VAPA: variants seen among roughly 807,000 people sequenced by gnomAD.
VAPA encodes vesicle-associated membrane protein-associated protein A.
A neutral mutation model predicts 25.6 loss-of-function variants in VAPA; 6 were observed. The observed-to-expected ratio is 0.23, with a 90% CI of 0.13 to 0.46. The LOEUF (loss-of-function observed/expected upper bound fraction) is 0.46, where lower values mean the gene tolerates loss of function less well. Ranked by LOEUF, VAPA falls within the 20% of genes least tolerant of loss-of-function variation. VAPA has a pLI of 0.99. For synonymous variants in VAPA, 112 were observed against 106.2 expected (o/e 1.05, Z -0.34); for missense variants, 244 against 302.1 (o/e 0.81, Z 1.43).
intron 1 of VAPA, among the ~76,000 whole-genome samples, chr18:9,920,843 A>G (rs934716919): frequency 1.3e-5 from 2 of 152,232 alleles, no homozygotes; most frequent in African/African-American, 4.8e-5. Context: ...AATGCTTTGC[A>G]CAGGCTCTGC....
intron 5 of VAPA, among the ~76,000 whole-genome samples, chr18:9,953,291 G>C (rs1239218920): frequency 6.6e-6 from 1 of 152,172 alleles, no homozygotes; most frequent in Non-Finnish European, 1.5e-5. Flanking sequence ...TCATTTTCCA[G>C]TCCAGGTGCA....
At chr18:9,919,993 A>C (rs1165987755) in intron 1 of VAPA, among the ~76,000 whole-genome samples, 1 of 152,068 alleles carries the variant, frequency 6.6e-6, no homozygotes, top group Non-Finnish European at 1.5e-5. Flanking sequence ...GGTGGTCTCT[A>C]TGTGCACTGA....
intron 1 of VAPA, among the ~76,000 whole-genome samples, chr18:9,917,121 AAG>A (rs1342586216): frequency 6.6e-6 from 1 of 152,128 alleles, no homozygotes; most frequent in Non-Finnish European, 1.5e-5. Context: ...AGTAAAGAAA[AAG>A]AAGTAGACGC....
rs187368077 is a variant in VAPA, at chr18:9,921,438, T to C, written c.79+7103T>C. Among the ~76,000 whole-genome samples, 19 of 152,372 alleles carry C rather than the reference T, an allele frequency of 1.2e-4. 1 individual carries two copies. The East Asian group carries it at 2.9e-3, about 23-fold the overall frequency. ...GAGTACAAAAAGAAAATGCTATTTT[T>C]CTGTGAAGCAGAAAAATGCATATAA... On this transcript the variant is annotated intron_variant, in intron 1 of 5. Coordinates refer to ENST00000400000, the MANE Select transcript of VAPA (RefSeq NM_194434.3).
At chr18:9,949,598 AAAGT>A (rs1430656675) in intron 4 of VAPA, 1 of 152,220 alleles carries the variant, frequency 6.6e-6, no homozygotes, top group Non-Finnish European at 1.5e-5. Flanking sequence ...AAATTATTTT[AAAGT>A]AAGTGAATTT....
At chr18:9,922,139 A>G (rs2069161971) in intron 1 of VAPA, among the ~76,000 whole-genome samples, 1 of 151,840 alleles carries the variant, frequency 6.6e-6, no homozygotes, top group Admixed American at 6.6e-5. Flanking sequence ...TAATTATTAT[A>G]TGTTTTATTT....
intron 2 of VAPA, among the ~76,000 whole-genome samples, chr18:9,934,663 G>A (rs939370303): frequency 6.6e-6 from 1 of 152,034 alleles, no homozygotes; most frequent in African/African-American, 2.4e-5. Context: ...CTAAAGTTAG[G>A]GAAATAATTT....
rs991044593 is a variant in VAPA at position 9,958,742 on chromosome 18, G to A, written c.*4531G>A. 6.6e-6 allele frequency: 1 copy of A among 152,150 alleles called. No homozygotes were observed. Among genetic ancestry groups the A allele is most frequent in the East Asian group, 1.9e-4 (1 of 5,200 alleles). The allele number at this position is 152,150 out of a possible 1,614,324, so 9.4% of individuals were successfully genotyped here. A position where few individuals can be genotyped will look rare whatever the true frequency, so the allele number is the denominator to read the frequency against. On this transcript the variant is annotated 3_prime_UTR_variant, in exon 6 of 6. Transcript: ENST00000400000. ...ACTTATTTTTCTTTAAACTGCAGGA[G>A]TCACTGTTAGGTATTGCTTAAAAAA...
Position 9,957,897 on chromosome 18 carries a change from CT to C in VAPA, c.*3690del, listed in dbSNP as rs2069567080. ...TTTCATGCCACGTTTCATAGCCCCA[CT>C]TTTGGTAGACTACCACCACGCTTCT... is the stretch of plus-strand genomic sequence containing the variant. On this transcript the variant is annotated 3_prime_UTR_variant, in exon 6 of 6. Transcript: ENST00000400000. 6.6e-6 allele frequency: 1 copy of C among 152,220 alleles called. No homozygotes were observed. The highest frequency in any genetic ancestry group is 6.5e-5 in the Admixed American group (1 of 15,284). The allele number at this position is 152,220 out of a possible 1,614,324, so 9.4% of individuals were successfully genotyped here.
intron 1 of VAPA, among the ~76,000 whole-genome samples, chr18:9,916,929 C>T (rs992664136): frequency 2.0e-5 from 3 of 152,134 alleles, no homozygotes; most frequent in Admixed American, 2.0e-4. Flanking sequence ...TTTTATACAC[C>T]TAACAAGCAT....
chr18:9,926,934 G>A (rs1351249900), intron 1 of VAPA, among the ~76,000 whole-genome samples: 1 of 152,088 alleles, frequency 6.6e-6, no homozygotes, highest in Non-Finnish European at 1.5e-5. Flanking sequence ...ACACACCTCT[G>A]AGTAACTAGC....
At chr18:9,932,017 A>T in intron 2 of VAPA, 55 bp downstream of exon 2, 2 of 1,350,380 alleles carry the variant, frequency 1.5e-6, no homozygotes, top group Admixed American at 2.2e-5. Flanking sequence ...TTTTATGATT[A>T]TGTTTTTGTT....
At chr18:9,934,869 C>T (rs1378110099) in intron 2 of VAPA, among the ~76,000 whole-genome samples, 3 of 151,814 alleles carry the variant, frequency 2.0e-5, no homozygotes, top group African/African-American at 4.8e-5. Context: ...CTGAGACGGG[C>T]GGATCTTGAG....
chr18:9,941,055 A>G (rs2069361960), intron 4 of VAPA, among the ~76,000 whole-genome samples: 1 of 152,090 alleles, frequency 6.6e-6, no homozygotes. Flanking sequence ...GAGGAATCAC[A>G]TTGCGTATTT....
At chr18:9,921,308 GGTTGTTT>G (rs2069154951) in intron 1 of VAPA, among the ~76,000 whole-genome samples, 1 of 152,134 alleles carries the variant, frequency 6.6e-6, no homozygotes, top group African/African-American at 2.4e-5. Flanking sequence ...CCTAAAGGTA[GGTTGTTT>G]GATGTTTGTG....
intron 3 of VAPA, 24 bp from the exon 4 acceptor site, chr18:9,936,962 A>G (rs758157503): frequency 6.2e-7 from 1 of 1,603,668 alleles, no homozygotes; most frequent in South Asian, 1.1e-5. Flanking sequence ...CCTATGTCTC[A>G]TGTTTGGTTT....
chr18:9,943,724 CTTT>C (rs1458060935), intron 4 of VAPA, among the ~76,000 whole-genome samples: 1 of 149,544 alleles, frequency 6.7e-6, no homozygotes, highest in Non-Finnish European at 1.5e-5. Context: ...CTATTCAGTT[CTTT>C]GTGTTCACTT....
intron 1 of VAPA, among the ~76,000 whole-genome samples, chr18:9,918,963 C>T (rs546019577): frequency 1.3e-5 from 2 of 152,158 alleles, no homozygotes; most frequent in Admixed American, 6.5e-5. Flanking sequence ...GTGGCATGCA[C>T]GTTCTTGGCT....
intron 5 of VAPA, among the ~76,000 whole-genome samples, chr18:9,951,983 T>A (rs1004788044): frequency 1.3e-5 from 2 of 152,208 alleles, no homozygotes; most frequent in Non-Finnish European, 2.9e-5. Context: ...TTAAAGGATG[T>A]TGTTGGTTAC....
Sources: allele counts gnomAD v4.1 joint callset (sites outside exome capture counted in the v4.1 genomes callset), GRCh38; gene constraint gnomAD v4.1.1; transcripts MANE v1.5; gene names NCBI Gene and HGNC (gene_info 2026-07-23, HGNC 2026-07-21).